Variants in TSHR observed in about 807,000 individuals in gnomAD.
The protein encoded by TSHR is thyroid stimulating hormone receptor, also known as thyrotropin receptor.
Under a neutral mutation model 64.1 loss-of-function variants are expected in TSHR, and 51 were observed. The ratio of observed to expected loss-of-function variants is 0.80; its 90% confidence interval spans 0.64 to 1.01. The LOEUF is 1.01. Ranked by LOEUF, TSHR falls within the 50% of genes least tolerant of loss-of-function variation. TSHR has a pLI of 0.00. For synonymous variants in TSHR, 361 were observed against 361.9 expected (o/e 1.00, Z 0.03); for missense variants, 877 against 942.8 (o/e 0.93, Z 0.91).
intron 1 of TSHR, among the ~76,000 whole-genome samples, chr14:81,002,179 A>G (rs1469683644): frequency 1.3e-5 from 2 of 152,136 alleles, no homozygotes; most frequent in African/African-American, 4.8e-5. Context: ...ACATATGTAT[A>G]TTACCTTTCT....
At chr14:81,012,003 A>G (rs981587146) in intron 1 of TSHR, 1 of 152,156 alleles carries the variant, frequency 6.6e-6, no homozygotes, top group Non-Finnish European at 1.5e-5. Context: ...GGTTAGTTAC[A>G]TATGTATACA....
chr14:81,072,928 C>T (rs1286130584), intron 3 of TSHR, among the ~76,000 whole-genome samples: 2 of 123,530 alleles, frequency 1.6e-5, no homozygotes, highest in South Asian at 2.6e-4. Context: ...ACCCGGGAGG[C>T]GGAGCTTGCA....
intron 1 of TSHR, among the ~76,000 whole-genome samples, chr14:80,956,413 G>A (rs187681166): frequency 1.3e-5 from 2 of 152,266 alleles, no homozygotes; most frequent in South Asian, 2.1e-4. Context: ...GAAATAGTAC[G>A]TCCAGAACCC....
chr14:81,027,574 C>G (rs567999239), intron 1 of TSHR, among the ~76,000 whole-genome samples: 10 of 152,092 alleles, frequency 6.6e-5, no homozygotes, highest in Non-Finnish European at 8.8e-5. Context: ...CTCAGGGTAA[C>G]AAAGTATGAC....
chr14:80,983,596 TG>T, intron 1 of TSHR: 2 of 1,035,262 alleles, frequency 1.9e-6, no homozygotes, highest in Non-Finnish European at 2.9e-6. Context: ...AATACACTCA[TG>T]GGCATTCTCA....
chr14:81,011,167 A>T (rs2139776876), intron 1 of TSHR, among the ~76,000 whole-genome samples: 1 of 152,250 alleles, frequency 6.6e-6, no homozygotes, highest in South Asian at 2.1e-4. Context: ...TAGCTTCATA[A>T]AATGAATTGA....
chr14:80,976,157 C>T (rs1047169726), intron 1 of TSHR, among the ~76,000 whole-genome samples: 3 of 152,172 alleles, frequency 2.0e-5, no homozygotes, highest in Non-Finnish European at 4.4e-5. Context: ...GTGATCCGCC[C>T]GCCTCGGCCT....
chr14:81,078,911 T>C (rs1322222674), intron 3 of TSHR: 2 of 152,224 alleles, frequency 1.3e-5, no homozygotes, highest in Non-Finnish European at 2.9e-5. Context: ...AGCTCAGCAC[T>C]GTCTGGCATC....
intron 1 of TSHR, among the ~76,000 whole-genome samples, chr14:81,037,432 CAAACAAACAAACAAAA>C (rs1884693952): frequency 8.7e-6 from 1 of 115,588 alleles, no homozygotes; most frequent in Non-Finnish European, 1.8e-5. Flanking sequence ...AACAAACAAA[CAAACAAACAAACAAAA>C]AACAGAAAAT....
intron 8 of TSHR, chr14:81,108,926 A>G (rs183835876): frequency 4.3e-5 from 60 of 1,392,148 alleles, no homozygotes; most frequent in Middle Eastern, 5.4e-4. Context: ...GAATAAAAAC[A>G]TTTTTTAAAC....
intron 8 of TSHR, among the ~76,000 whole-genome samples, chr14:81,129,856 A>G (rs950231096): frequency 6.6e-6 from 1 of 152,206 alleles, no homozygotes; most frequent in African/African-American, 2.4e-5. Flanking sequence ...ACTCAAGGAC[A>G]TTGCTTCAGC....
intron 1 of TSHR, among the ~76,000 whole-genome samples, chr14:81,019,431 A>C (rs947510173): frequency 6.8e-6 from 1 of 147,932 alleles, no homozygotes; most frequent in Non-Finnish European, 1.5e-5. Context: ...AAATGTGGAT[A>C]TGTTAGTGCA....
At chr14:81,062,425 A>G (rs1012141212) in intron 2 of TSHR, among the ~76,000 whole-genome samples, 1 of 152,160 alleles carries the variant, frequency 6.6e-6, no homozygotes, top group African/African-American at 2.4e-5. Context: ...TTTAAAACCT[A>G]AATCAAATTT....
chr14:81,125,215 T>C (rs1481140155), intron 8 of TSHR, among the ~76,000 whole-genome samples: 1 of 152,136 alleles, frequency 6.6e-6, no homozygotes, highest in African/African-American at 2.4e-5. Flanking sequence ...GTATTTGAGA[T>C]GGGCTTCAGG....
chr14:81,109,672 C>T (rs1358535001), intron 8 of TSHR, among the ~76,000 whole-genome samples: 8 of 152,164 alleles, frequency 5.3e-5, no homozygotes, highest in Non-Finnish European at 1.5e-5. Context: ...TTCACTCTTT[C>T]ACCTTTAACA....
chr14:81,086,645 CTA>C (rs1363979907), intron 3 of TSHR, among the ~76,000 whole-genome samples: 2 of 152,180 alleles, frequency 1.3e-5, no homozygotes, highest in African/African-American at 2.4e-5. Context: ...GACAGGAAAA[CTA>C]TGGCTCAAAG....
intron 1 of TSHR, chr14:80,982,165 C>T (rs757095106): frequency 1.0e-5 from 6 of 584,198 alleles, no homozygotes; most frequent in Non-Finnish European, 1.9e-5. Context: ...GAGATGAAGG[C>T]AGTGTCTAAG....
In TSHR at chr14:81,087,465, A is replaced by T. The variant is rs1272648797; in HGVS notation, c.318-489A>T. The T allele has an allele frequency of 2.4e-5, 5 of 204,154 alleles. No homozygotes were observed. In the East Asian group the frequency reaches 6.3e-4, roughly 26 times the overall value. The allele number at this position is 204,154 out of a possible 1,614,324, so 12.6% of individuals were successfully genotyped here. Reference sequence around the variant, plus strand: ...AAACCCAAGTGAACTGTGAAGACTTACCACTTCTGTACATCTGGTATGGCA... The same window carrying T: ...AAACCCAAGTGAACTGTGAAGACTTTCCACTTCTGTACATCTGGTATGGCA... On this transcript the variant is annotated intron_variant, in intron 3 of 9. Transcript: ENST00000298171.
intron 5 of TSHR, among the ~76,000 whole-genome samples, chr14:81,091,688 T>A (rs1213261890): frequency 6.6e-6 from 1 of 152,270 alleles, no homozygotes; most frequent in African/African-American, 2.4e-5. Flanking sequence ...TCAGCCACCT[T>A]ATAAGGTGTA....
Sources: allele counts gnomAD v4.1 joint callset (sites outside exome capture counted in the v4.1 genomes callset), GRCh38; gene constraint gnomAD v4.1.1; transcripts MANE v1.5; gene names NCBI Gene and HGNC (gene_info 2026-07-23, HGNC 2026-07-21).